COL14A1: variants seen among roughly 807,000 people sequenced by gnomAD.
COL14A1 encodes the protein collagen alpha-1(XIV) chain.
Under a neutral mutation model 230.3 loss-of-function variants are expected in COL14A1, and 136 were observed. That is an observed-to-expected ratio of 0.59 (90% CI 0.51 to 0.68). The LOEUF is 0.68. Among genes scored for constraint, COL14A1 ranks in the 30% least tolerant of loss-of-function variants. COL14A1 has a pLI of 0.00. For missense variants in COL14A1, 1,976 were observed against 2,215.8 expected, an observed-to-expected ratio of 0.89 and a Z score of 2.17; for synonymous variants, 792 against 784.1, an observed-to-expected ratio of 1.01 and a Z score of -0.17.
At chr8:120,213,661 C>T (rs527897861) in intron 13 of COL14A1, among the ~76,000 whole-genome samples, 1 of 152,124 alleles carries the variant, frequency 6.6e-6, no homozygotes, top group Non-Finnish European at 1.5e-5. Flanking sequence ...GAAAGAAAAG[C>T]TTTCCCCAAC....
rs1485617160 is a variant in COL14A1, at chr8:120,237,811, T to TTGTTGA, written c.2350-6059_2350-6054dup. 3.3e-5 allele frequency among the ~76,000 whole-genome samples: 5 copies of TTGTTGA among 152,264 alleles called. No homozygotes were observed. The East Asian group carries it at 7.7e-4, about 23-fold the overall frequency. On this transcript the variant is annotated intron_variant, in intron 19 of 47. Transcript: ENST00000297848. ...GATGGGGTTTGAGTGGTCGTCCTTT[T>TTGTTGA]TGTTGATGTTGATGCTATTGCTTCC...
intron 27 of COL14A1, 92 bp from the exon 28 acceptor site, chr8:120,278,343 A>G (rs1365513753): frequency 2.7e-6 from 4 of 1,507,644 alleles, no homozygotes; most frequent in Admixed American, 2.2e-5. Flanking sequence ...TTTTTTTTTC[A>G]TTAATTTAAG....
intron 40 of COL14A1, among the ~76,000 whole-genome samples, chr8:120,329,927 G>A (rs189156754): frequency 3.3e-5 from 5 of 152,182 alleles, no homozygotes; most frequent in East Asian, 3.9e-4. Context: ...GGGGGTTAGG[G>A]GGTCTCTGCT....
chr8:120,210,441 G>A (rs1298802662), intron 12 of COL14A1, among the ~76,000 whole-genome samples: 2 of 152,174 alleles, frequency 1.3e-5, no homozygotes, highest in Admixed American at 1.3e-4. Context: ...AATGTTATAT[G>A]TTTTGCTTTA....
At chr8:120,321,024 C>T (rs1821420627) in intron 40 of COL14A1, among the ~76,000 whole-genome samples, 1 of 152,192 alleles carries the variant, frequency 6.6e-6, no homozygotes, top group Non-Finnish European at 1.5e-5. Flanking sequence ...ATCCATCTGC[C>T]TGGGTCCTAC....
rs750447560 is a variant in COL14A1, at chr8:120,285,861, A to G, written c.3968A>G (p.Asn1323Ser). 5 of 1,548,790 alleles carry G rather than the reference A, an allele frequency of 3.2e-6. No individual in the cohort carries two copies. The highest frequency in any genetic ancestry group is 4.4e-6 in the Non-Finnish European group (5 of 1,137,500). The change falls in exon 33 of 48, where the codon AAT (asparagine) becomes AGT (serine). Residue 1323 changes from asparagine (N) to serine (S), a missense_variant and splice_region_variant. By Grantham distance (46) the Asn-to-Ser change is conservative. Transcript: ENST00000297848. ...AATATTTTTATTTTTCTTTCAATAGATGGTGGGAAAACTCTAACATATTTC... is the reference window on the plus strand; with the variant it reads ...AATATTTTTATTTTTCTTTCAATAGGTGGTGGGAAAACTCTAACATATTTC... ...SDPLVGVILD[N>S]GGKTLTYFNY...
At chr8:120,359,613 G>A (rs1177659269) in intron 45 of COL14A1, among the ~76,000 whole-genome samples, 1 of 152,156 alleles carries the variant, frequency 6.6e-6, no homozygotes, top group Non-Finnish European at 1.5e-5. Flanking sequence ...ATAGCCAATA[G>A]TGGAAATAAT....
chr8:120,271,512 T>A (rs1185345201), intron 26 of COL14A1, among the ~76,000 whole-genome samples: 1 of 151,618 alleles, frequency 6.6e-6, no homozygotes, highest in Non-Finnish European at 1.5e-5. Flanking sequence ...TACTCTAAAT[T>A]GTGTGTGACA....
At chr8:120,348,163 T>C (rs546092210) in intron 45 of COL14A1, among the ~76,000 whole-genome samples, 1 of 127,910 alleles carries the variant, frequency 7.8e-6, no homozygotes, top group South Asian at 2.6e-4. Flanking sequence ...ATAAAGAAAC[T>C]GTGGTGTATA....
At chr8:120,363,415 C>T (rs756306393) in intron 45 of COL14A1, among the ~76,000 whole-genome samples, 1 of 152,010 alleles carries the variant, frequency 6.6e-6, no homozygotes, top group African/African-American at 2.4e-5. Flanking sequence ...ATACTGGGAC[C>T]TGTTGGGAGG....
chr8:120,310,602 A>T (rs1821005294), intron 37 of COL14A1, among the ~76,000 whole-genome samples: 1 of 152,206 alleles, frequency 6.6e-6, no homozygotes, highest in African/African-American at 2.4e-5. Flanking sequence ...GTCAAGGAAC[A>T]CGTTTTTCTA....
intron 18 of COL14A1, among the ~76,000 whole-genome samples, chr8:120,229,796 T>C (rs1465158084): frequency 6.6e-6 from 1 of 152,252 alleles, no homozygotes; most frequent in Admixed American, 6.5e-5. Flanking sequence ...TTTTTAATGA[T>C]TGCCATTCTA....
intron 2 of COL14A1, among the ~76,000 whole-genome samples, chr8:120,148,584 A>G (rs1815174010): frequency 6.6e-6 from 1 of 152,204 alleles, no homozygotes; most frequent in Non-Finnish European, 1.5e-5. Context: ...AAAGAACTGT[A>G]ATGTGAGTGT....
At chr8:120,353,263 GT>G (rs1333888376) in intron 45 of COL14A1, among the ~76,000 whole-genome samples, 2 of 23,814 alleles carry the variant, frequency 8.4e-5, no homozygotes, top group Non-Finnish European at 1.4e-4. Flanking sequence ...AGACTTAAAC[GT>G]TAGACCTAAA....
At chr8:120,298,849 T>C (rs1329498728) in intron 35 of COL14A1, among the ~76,000 whole-genome samples, 1 of 151,334 alleles carries the variant, frequency 6.6e-6, no homozygotes, top group African/African-American at 2.4e-5. Flanking sequence ...GACTGGGTAA[T>C]TTATAAAGGA....
At chr8:120,250,025 A>C (rs1387903464) in intron 21 of COL14A1, among the ~76,000 whole-genome samples, 2 of 152,248 alleles carry the variant, frequency 1.3e-5, no homozygotes, top group Non-Finnish European at 2.9e-5. Context: ...TTAATGCTTC[A>C]TTAAAGACCC....
chr8:120,369,546 CAA>C, intron 47 of COL14A1, 61 bp downstream of exon 47: 1 of 1,394,620 alleles, frequency 7.2e-7, no homozygotes, highest in Non-Finnish European at 9.5e-7. Context: ...TGCTTAGTAC[CAA>C]AATGGGAAGA....
At chr8:120,329,920 G>A (rs986197444) in intron 40 of COL14A1, among the ~76,000 whole-genome samples, 1 of 152,112 alleles carries the variant, frequency 6.6e-6, no homozygotes, top group Admixed American at 6.5e-5. Context: ...GAGGAGTGGG[G>A]GTTAGGGGGT....
chr8:120,198,075 A>G (rs1207602959), intron 7 of COL14A1, 145 bp downstream of exon 7: 3 of 788,162 alleles, frequency 3.8e-6, no homozygotes, highest in Non-Finnish European at 6.0e-6. Context: ...TCCCAAACTC[A>G]GCATTGAGTT....
Sources: gnomAD v4.1 joint callset for allele counts (sites outside exome capture counted in the v4.1 genomes callset) on GRCh38, gnomAD v4.1.1 for gene constraint, MANE v1.5 for transcripts, NCBI Gene and HGNC (gene_info 2026-07-23, HGNC 2026-07-21) for gene names.